HDAC9: variants seen among roughly 807,000 people sequenced by gnomAD.
The protein encoded by HDAC9 is MEF-2 interacting transcription repressor (MITR) protein.
Under a neutral mutation model 139.4 loss-of-function variants are expected in HDAC9, and 41 were observed. The ratio of observed to expected loss-of-function variants is 0.29; its 90% CI spans 0.23 to 0.38. HDAC9 has a LOEUF of 0.38. Ranked by LOEUF, HDAC9 falls within the 10% of genes least tolerant of loss-of-function variation. The pLI, the probability that HDAC9 is intolerant of heterozygous loss-of-function variation, is 1.00. For synonymous variants in HDAC9, 517 were observed against 476.2 expected (o/e 1.09, Z -1.12); for missense variants, 1,147 against 1,297.0 (o/e 0.88, Z 1.78).
intron 4 of HDAC9, 27 bp from the exon 5 acceptor site, chr7:18,591,489 G>GTA: frequency 6.5e-7 from 1 of 1,548,078 alleles, no homozygotes. Flanking sequence ...GTGTGTGTGT[G>GTA]TGTGTGTGTG....
At chr7:18,613,077 ATATATT>A (rs1027035063) in intron 6 of HDAC9, among the ~76,000 whole-genome samples, 3 of 148,090 alleles carry the variant, frequency 2.0e-5, no homozygotes, top group African/African-American at 4.9e-5. Flanking sequence ...TGAATAATAG[ATATATT>A]TATATTTCTC....
intron 6 of HDAC9, among the ~76,000 whole-genome samples, chr7:18,597,167 G>T (rs1049858184): frequency 6.6e-6 from 1 of 152,114 alleles, no homozygotes; most frequent in Non-Finnish European, 1.5e-5. Context: ...ATTAAAAGTT[G>T]GCTCTAATCA....
At chr7:18,378,757 C>CCAAAA (rs1427796022) in intron 1 of HDAC9, among the ~76,000 whole-genome samples, 7 of 152,006 alleles carry the variant, frequency 4.6e-5, no homozygotes, top group Admixed American at 1.3e-4. Context: ...ATAGCCCATA[C>CCAAAA]CAAAACAAAA....
intron 1 of HDAC9, among the ~76,000 whole-genome samples, chr7:18,386,935 T>TA (rs1785992267): frequency 6.6e-6 from 1 of 152,194 alleles, no homozygotes; most frequent in Admixed American, 6.5e-5. Flanking sequence ...AGCTCTCTCT[T>TA]ACCATTTTCT....
At chr7:18,541,037 A>G (rs1381781583) in intron 2 of HDAC9, among the ~76,000 whole-genome samples, 1 of 152,108 alleles carries the variant, frequency 6.6e-6, no homozygotes, top group Non-Finnish European at 1.5e-5. Flanking sequence ...TTTGACTCCA[A>G]AGCACACACT....
intron 2 of HDAC9, among the ~76,000 whole-genome samples, chr7:18,236,630 A>G (rs948642101): frequency 8.5e-5 from 13 of 152,126 alleles, no homozygotes; most frequent in Admixed American, 5.2e-4. Flanking sequence ...TGCACTTGCA[A>G]TTTTGTCCTG....
intron 1 of HDAC9, among the ~76,000 whole-genome samples, chr7:18,464,999 A>G (rs1263096090): frequency 6.6e-6 from 1 of 151,718 alleles, no homozygotes; most frequent in Non-Finnish European, 1.5e-5. Context: ...ACTTTCTTGT[A>G]TGTTTGGGAT....
chr7:18,234,877 G>A (rs977076984), intron 2 of HDAC9, among the ~76,000 whole-genome samples: 2 of 152,326 alleles, frequency 1.3e-5, no homozygotes, highest in African/African-American at 4.8e-5. Flanking sequence ...ATTTGGAGAT[G>A]GAGAGAAGGA....
At chr7:18,303,954 C>A (rs534951205) in intron 1 of HDAC9, among the ~76,000 whole-genome samples, 1 of 152,280 alleles carries the variant, frequency 6.6e-6, no homozygotes, top group East Asian at 1.9e-4. Context: ...AAGTGTTACA[C>A]AAGAAAGAAA....
At chr7:18,874,401 C>T (rs1799164457) in intron 21 of HDAC9, 77 bp from the exon 22 acceptor site, 1 of 767,246 alleles carries the variant, frequency 1.3e-6, no homozygotes, top group Admixed American at 2.1e-5. Context: ...TATTGTTGTG[C>T]CAGGTCGTTT....
intron 17 of HDAC9, among the ~76,000 whole-genome samples, chr7:18,827,345 C>G (rs1432304689): frequency 6.6e-6 from 1 of 151,918 alleles, no homozygotes; most frequent in Non-Finnish European, 1.5e-5. Flanking sequence ...TAATGGCACC[C>G]TTAAGGCAGA....
chr7:18,628,012 A>G (rs916624369), intron 6 of HDAC9, among the ~76,000 whole-genome samples: 1 of 152,184 alleles, frequency 6.6e-6, no homozygotes, highest in African/African-American at 2.4e-5. Flanking sequence ...AAAAAAGTGG[A>G]GAAGAATTGT....
chr7:18,165,689 C>A (rs1431467711), intron 2 of HDAC9, among the ~76,000 whole-genome samples: 2 of 151,680 alleles, frequency 1.3e-5, no homozygotes, highest in East Asian at 1.9e-4. Context: ...ACTTAGGAAG[C>A]TGAGGTGGGA....
chr7:18,502,074 A>G (rs1798539584), intron 2 of HDAC9, among the ~76,000 whole-genome samples: 1 of 152,176 alleles, frequency 6.6e-6, no homozygotes, highest in Non-Finnish European at 1.5e-5. Context: ...TCCAATGGTC[A>G]CAAACTGACT....
chr7:18,328,311 G>A (rs1585197467), intron 1 of HDAC9, among the ~76,000 whole-genome samples: 3 of 151,868 alleles, frequency 2.0e-5, no homozygotes, highest in South Asian at 4.2e-4. Context: ...CAGTTTCTAG[G>A]GTGTAGATCT....
intron 1 of HDAC9, among the ~76,000 whole-genome samples, chr7:18,450,744 A>T (rs1443513178): frequency 6.6e-6 from 1 of 152,180 alleles, no homozygotes; most frequent in African/African-American, 2.4e-5. Flanking sequence ...TGCTAATGCC[A>T]AACTTTTTAT....
At chr7:18,355,581 C>CT (rs1783193737) in intron 1 of HDAC9, among the ~76,000 whole-genome samples, 1 of 152,058 alleles carries the variant, frequency 6.6e-6, no homozygotes, top group South Asian at 2.1e-4. Flanking sequence ...GGACTGCATG[C>CT]TAAAAGTATA....
chr7:18,849,020 A>T (rs1797094936), intron 21 of HDAC9, among the ~76,000 whole-genome samples: 2 of 152,174 alleles, frequency 1.3e-5, no homozygotes, highest in Non-Finnish European at 2.9e-5. Flanking sequence ...GTATCATGAA[A>T]ACTAACATTC....
At chr7:18,724,185 G>C (rs1041648615) in intron 12 of HDAC9, among the ~76,000 whole-genome samples, 1 of 152,066 alleles carries the variant, frequency 6.6e-6, no homozygotes, top group African/African-American at 2.4e-5. Flanking sequence ...TTTCTTAAAA[G>C]TTTTTCATAT....
Sources: gnomAD v4.1 joint callset for allele counts (sites outside exome capture counted in the v4.1 genomes callset) on GRCh38, gnomAD v4.1.1 for gene constraint, MANE v1.5 for transcripts, NCBI Gene and HGNC (gene_info 2026-07-23, HGNC 2026-07-21) for gene names.